Variants in STRN4 observed in about 807,000 individuals in gnomAD.
The protein encoded by STRN4 is striatin-4.
In STRN4, 27 loss-of-function variants were observed where a neutral mutation model predicts 77.9. The ratio of observed to expected loss-of-function variants is 0.35; its 90% CI spans 0.26 to 0.48. The LOEUF (loss-of-function observed/expected upper bound fraction) is 0.48. Ranked by LOEUF, STRN4 falls within the 20% of genes least tolerant of loss-of-function variation. STRN4 has a pLI of 0.99. For synonymous variants in STRN4, 466 were observed against 443.1 expected (o/e 1.05, Z -0.65); for missense variants, 798 against 1,049.7 (o/e 0.76, Z 3.31).
chr19:46,726,798 G>A (rs2054127475), intron 9 of STRN4, among the ~76,000 whole-genome samples: 1 of 152,154 alleles, frequency 6.6e-6, no homozygotes, highest in Non-Finnish European at 1.5e-5. Context: ...TTTAGGGTCA[G>A]AGGATCTGCT....
At chr19:46,720,829 C>G (rs1599853594) in intron 16 of STRN4, 58 bp from the exon 17 acceptor site, 1 of 1,479,968 alleles carries the variant, frequency 6.8e-7, no homozygotes, top group Non-Finnish European at 9.0e-7. Context: ...CAGACGCAGC[C>G]CTGGAACCCC....
At chr19:46,725,302 T>C in intron 11 of STRN4, 30 bp downstream of exon 11, 2 of 1,613,466 alleles carry the variant, frequency 1.2e-6, no homozygotes, top group Non-Finnish European at 1.7e-6. Context: ...TTAGGACGAG[T>C]TTCTAGCAGG....
At chr19:46,724,135 C>A (rs1255077685) in intron 12 of STRN4, among the ~76,000 whole-genome samples, 1 of 151,630 alleles carries the variant, frequency 6.6e-6, no homozygotes, top group African/African-American at 2.4e-5. Context: ...GTAATCCCAG[C>A]TACTCGGGAG....
At chr19:46,735,569 T>A (rs1217876949) in intron 4 of STRN4, among the ~76,000 whole-genome samples, 2 of 152,204 alleles carry the variant, frequency 1.3e-5, no homozygotes, top group Non-Finnish European at 2.9e-5. Context: ...TTTATAGGGG[T>A]ATGAAATTTC....
chr19:46,746,109 G>A (rs1424631302), intron 1 of STRN4, 40 bp downstream of exon 1: 4 of 1,438,910 alleles, frequency 2.8e-6, no homozygotes, highest in East Asian at 6.3e-5. Flanking sequence ...GGGCCGGGCC[G>A]GGCCGGGTTG....
intron 15 of STRN4, 73 bp from the exon 16 acceptor site, chr19:46,722,145 CGA>C: frequency 1.9e-6 from 3 of 1,601,842 alleles, no homozygotes; most frequent in South Asian, 1.1e-5. Context: ...AAGGACTGGA[CGA>C]GAGACTCCCA....
chr19:46,730,282 G>T (rs986806878), intron 6 of STRN4, among the ~76,000 whole-genome samples: 35 of 152,200 alleles, frequency 2.3e-4, no homozygotes, highest in African/African-American at 8.4e-4. Flanking sequence ...CACAGGCCCA[G>T]TCCCTCCCAG....
At chr19:46,745,361 C>T (rs1440377505) in intron 1 of STRN4, among the ~76,000 whole-genome samples, 1 of 152,188 alleles carries the variant, frequency 6.6e-6, no homozygotes, top group Non-Finnish European at 1.5e-5. Context: ...CCAAAGAACC[C>T]TTCCCTGCAC....
chr19:46,734,551 T>A (rs56688584), intron 4 of STRN4, among the ~76,000 whole-genome samples: 1 of 152,352 alleles, frequency 6.6e-6, no homozygotes, highest in Admixed American at 6.5e-5. Context: ...TATGGTTATC[T>A]ATATGACAGA....
chr19:46,728,922 C>T (rs958929039), intron 6 of STRN4, 145 bp from the exon 7 acceptor site: 59 of 1,228,644 alleles, frequency 4.8e-5, no homozygotes, highest in Non-Finnish European at 5.9e-5. Context: ...TGCCCTGGAG[C>T]GCCCCCTGCT....
intron 1 of STRN4, among the ~76,000 whole-genome samples, chr19:46,744,036 T>C (rs1025049982): frequency 1.3e-5 from 2 of 152,198 alleles, no homozygotes; most frequent in African/African-American, 4.8e-5. Context: ...TCTCCTGATT[T>C]TTTTTAAAGG....
At chr19:46,745,164 C>T (rs2054556106) in intron 1 of STRN4, among the ~76,000 whole-genome samples, 1 of 152,086 alleles carries the variant, frequency 6.6e-6, no homozygotes, top group East Asian at 1.9e-4. Flanking sequence ...AGGACCCTCA[C>T]CTCCATACTG....
At chr19:46,737,142 G>T (rs1446801034) in intron 3 of STRN4, among the ~76,000 whole-genome samples, 1 of 152,120 alleles carries the variant, frequency 6.6e-6, no homozygotes, top group Non-Finnish European at 1.5e-5. Context: ...ACAAGATAAG[G>T]GTGTTATCTC....
In STRN4 at chr19:46,746,313, C is replaced by CG; in HGVS notation, c.117dup (p.Gly40ArgfsTer7). The CG allele has an allele frequency of 1.5e-6, 2 of 1,356,984 alleles. No homozygotes were observed. Among genetic ancestry groups the CG allele is most frequent in the South Asian group, 1.6e-5 (1 of 61,026 alleles). 84.1% of individuals were successfully genotyped at this position (1,356,984 alleles called of 1,614,324 possible). ...CCTCCCTTACCTGCCGGGCCCGGCC[C>CG]GGGGGCAGGGGCGGAGACCGGGGCC... is the stretch of plus-strand genomic sequence containing the variant. On this transcript the variant is annotated frameshift_variant, in exon 1 of 18. Coordinates refer to ENST00000263280, the MANE Select transcript of STRN4 (RefSeq NM_013403.3). LOFTEE classifies it high-confidence loss of function.
rs763717617 is a variant in STRN4 at position 46,720,809 on chromosome 19, G to C, written c.2093-38C>G. Reference sequence around the variant, plus strand: ...CGGGGACAGAAGGGGTGGTCACTGGGCTCCTCGCTCAGACGCAGCCCTGGA... The same window carrying C: ...CGGGGACAGAAGGGGTGGTCACTGGCCTCCTCGCTCAGACGCAGCCCTGGA... On this transcript the variant is annotated intron_variant, in intron 16 of 17. Transcript: ENST00000263280. 4 of 1,510,776 alleles carry C rather than the reference G, an allele frequency of 2.6e-6. No homozygotes were observed. In the South Asian group the frequency reaches 5.3e-5, roughly 20 times the overall value. 93.6% of individuals were successfully genotyped at this position (1,510,776 alleles called of 1,614,324 possible).
intron 16 of STRN4, 72 bp downstream of exon 16, chr19:46,721,914 G>T: frequency 6.4e-7 from 1 of 1,572,142 alleles, no homozygotes. Context: ...CTGAGCACTT[G>T]CCTGGAGCCA....
chr19:46,721,060 C>T (rs313842), intron 16 of STRN4: 239,809 of 322,388 alleles, frequency 0.74, 90,102 homozygotes, highest in African/African-American at 0.89. Flanking sequence ...CCCCGCAGCA[C>T]TGACGCTGCA....
chr19:46,722,682 C>T, intron 14 of STRN4, 128 bp downstream of exon 14: 1 of 1,416,096 alleles, frequency 7.1e-7, no homozygotes, highest in Non-Finnish European at 9.5e-7. Context: ...AACTTCCTTC[C>T]TGCTCAGGGC....
At chr19:46,728,065 A>T in intron 7 of STRN4, 58 bp from the exon 8 acceptor site, 1 of 1,496,400 alleles carries the variant, frequency 6.7e-7, no homozygotes, top group Non-Finnish European at 9.2e-7. Flanking sequence ...AGTCTGGCAT[A>T]GGTGACGCCT....
Sources: allele counts gnomAD v4.1 joint callset (sites outside exome capture counted in the v4.1 genomes callset), GRCh38; gene constraint gnomAD v4.1.1; transcripts MANE v1.5; gene names NCBI Gene and HGNC (gene_info 2026-07-23, HGNC 2026-07-21).